MAD1L1: variants seen among roughly 807,000 people sequenced by gnomAD.
The protein encoded by MAD1L1 is mitotic spindle assembly checkpoint protein MAD1.
Under a neutral mutation model 96.9 loss-of-function variants are expected in MAD1L1, and 95 were observed. The ratio of observed to expected loss-of-function variants is 0.98; its 90% CI spans 0.83 to 1.16. The LOEUF is 1.16. Ranked by LOEUF, MAD1L1 falls within the 50% of genes most tolerant of loss-of-function variation. MAD1L1 has a pLI of 0.00. For synonymous variants in MAD1L1, 473 were observed against 396.6 expected, an observed-to-expected ratio of 1.19 and a Z score of -2.29; for missense variants, 1,007 against 954.4, an observed-to-expected ratio of 1.06 and a Z score of -0.73.
chr7:1,857,919 A>G (rs2128645264), intron 18 of MAD1L1, among the ~76,000 whole-genome samples: 1 of 152,224 alleles, frequency 6.6e-6, no homozygotes, highest in South Asian at 2.1e-4. Flanking sequence ...GCCCTGCAGA[A>G]CCTGCAGAGG....
chr7:2,087,547 A>T (rs1300375753), intron 11 of MAD1L1, among the ~76,000 whole-genome samples: 1 of 152,192 alleles, frequency 6.6e-6, no homozygotes, highest in Admixed American at 6.5e-5. Flanking sequence ...CTTGAAAATA[A>T]TATTATTAAT....
In MAD1L1 at chr7:2,205,065, T is replaced by C. The variant is rs949935012; in HGVS notation, c.986+8147A>G. On this transcript the variant is annotated intron_variant, in intron 10 of 18. Coordinates refer to ENST00000265854, the MANE Select transcript of MAD1L1 (RefSeq NM_001013836.2). The stretch of plus-strand genomic sequence containing the variant: ...TACATTACTGACTCCACCTTGCTTC[T>C]AACCTCACAGGATCTTTTCTTTTTT... Among the ~76,000 whole-genome samples, 7 of 148,326 alleles carry C rather than the reference T, an allele frequency of 4.7e-5. No individual in the cohort carries two copies. In the East Asian group the frequency reaches 8.0e-4, roughly 17 times the overall value.
chr7:2,148,233 G>A (rs1236633506), intron 11 of MAD1L1: 7 of 152,360 alleles, frequency 4.6e-5, no homozygotes, highest in Admixed American at 4.6e-4. Flanking sequence ...CTCCACAGGA[G>A]GACAAGGCTG....
intron 10 of MAD1L1, among the ~76,000 whole-genome samples, chr7:2,188,791 A>C (rs990223140): frequency 1.3e-5 from 2 of 152,218 alleles, no homozygotes; most frequent in African/African-American, 4.8e-5. Context: ...CTTGGATATG[A>C]CATCAAAGGC....
chr7:1,827,545 G>GTGTGGCAT (rs1782474446), intron 18 of MAD1L1, among the ~76,000 whole-genome samples: 4 of 76,546 alleles, frequency 5.2e-5, no homozygotes, highest in East Asian at 3.6e-4. Context: ...GGGTGTGGGG[G>GTGTGGCAT]CCTCCCCTCC....
At chr7:2,179,541 A>G (rs1303600668) in intron 10 of MAD1L1, among the ~76,000 whole-genome samples, 5 of 151,902 alleles carry the variant, frequency 3.3e-5, no homozygotes, top group African/African-American at 1.2e-4. Flanking sequence ...AAAAAAAAAA[A>G]AAAGAAAAAT....
At chr7:2,174,250 A>C (rs1790846261) in intron 10 of MAD1L1, among the ~76,000 whole-genome samples, 1 of 152,214 alleles carries the variant, frequency 6.6e-6, no homozygotes, top group African/African-American at 2.4e-5. Context: ...TCTAGACCAC[A>C]TTGCTTTACT....
At position 2,014,487 on chromosome 7, in the gene MAD1L1, C is replaced by T. The variant is rs1350540646; in HGVS notation, c.1359+15G>A. The T allele has an allele frequency of 6.4e-6, 10 of 1,556,328 alleles. No homozygotes were observed. Among genetic ancestry groups the T allele is most frequent in the Non-Finnish European group, 8.7e-6 (10 of 1,152,508 alleles). Reference sequence around the variant, plus strand: ...CCCACCTGGCGACGTGAGCCCCACGCCCGCGGCCCCTCACCTCCATCTCGG... The same window carrying T: ...CCCACCTGGCGACGTGAGCCCCACGTCCGCGGCCCCTCACCTCCATCTCGG... On this transcript the variant is annotated intron_variant, in intron 13 of 18. Transcript: ENST00000265854.
chr7:1,831,725 G>T (rs1216880699), intron 18 of MAD1L1, among the ~76,000 whole-genome samples: 1 of 152,204 alleles, frequency 6.6e-6, no homozygotes, highest in South Asian at 2.1e-4. Context: ...GACGGTAAAT[G>T]AGCTCTTGGG....
At chr7:2,074,782 C>T (rs1454849615) in intron 11 of MAD1L1, among the ~76,000 whole-genome samples, 1 of 152,202 alleles carries the variant, frequency 6.6e-6, no homozygotes, top group Non-Finnish European at 1.5e-5. Flanking sequence ...AGAAGACAGG[C>T]CATCAGCAAA....
At chr7:2,037,450 C>T (rs1199230440) in intron 12 of MAD1L1, among the ~76,000 whole-genome samples, 1 of 151,768 alleles carries the variant, frequency 6.6e-6, no homozygotes, top group African/African-American at 2.4e-5. Flanking sequence ...GCACCATGTT[C>T]CCAACAGCAT....
chr7:1,849,286 A>G (rs1783832195), intron 18 of MAD1L1: 2 of 152,256 alleles, frequency 1.3e-5, no homozygotes, highest in African/African-American at 4.8e-5. Context: ...TATTGGCAGC[A>G]CAAATCTCCA....
chr7:2,153,553 T>C (rs1458311831), intron 10 of MAD1L1, among the ~76,000 whole-genome samples: 1 of 152,178 alleles, frequency 6.6e-6, no homozygotes, highest in African/African-American at 2.4e-5. Context: ...CACAGACAGA[T>C]GCTGGTGAGG....
At chr7:2,011,438 C>T (rs1782297055) in intron 13 of MAD1L1, among the ~76,000 whole-genome samples, 1 of 152,212 alleles carries the variant, frequency 6.6e-6, no homozygotes, top group African/African-American at 2.4e-5. Context: ...CGAACTTGCG[C>T]CACATCCATG....
At position 2,087,414 on chromosome 7, in the gene MAD1L1, C is replaced by T. The variant is rs1029449082; in HGVS notation, c.1074-18076G>A. 3.9e-5 allele frequency among the ~76,000 whole-genome samples: 6 copies of T among 152,194 alleles called. No individual in the cohort carries two copies. In the East Asian group the frequency reaches 1.2e-3, roughly 29 times the overall value. On this transcript the variant is annotated intron_variant, in intron 11 of 18. Transcript: ENST00000265854. Reference sequence around the variant, plus strand: ...AATTAGCCAGGCCTGGTGGCGCGCGCCTGTAATCTCAGCTACTCATGAGGC... The same window carrying T: ...AATTAGCCAGGCCTGGTGGCGCGCGTCTGTAATCTCAGCTACTCATGAGGC...
chr7:2,174,445 T>C (rs1035654843), intron 10 of MAD1L1, among the ~76,000 whole-genome samples: 3 of 152,220 alleles, frequency 2.0e-5, no homozygotes, highest in Admixed American at 2.0e-4. Flanking sequence ...GACTGGGTAC[T>C]TGGTGGCTCC....
intron 12 of MAD1L1, among the ~76,000 whole-genome samples, chr7:2,061,720 G>A (rs981219630): frequency 3.9e-5 from 6 of 152,248 alleles, no homozygotes; most frequent in East Asian, 3.8e-4. Flanking sequence ...AAACGTCCAC[G>A]TCAGCAAGAG....
chr7:1,897,795 C>T (rs922151060), intron 18 of MAD1L1, among the ~76,000 whole-genome samples: 6 of 152,208 alleles, frequency 3.9e-5, no homozygotes, highest in Admixed American at 6.5e-5. Flanking sequence ...TGTCCCACTG[C>T]GCAGCCTGGC....
At chr7:1,942,765 GA>G (rs1779060620) in intron 16 of MAD1L1, among the ~76,000 whole-genome samples, 1 of 152,192 alleles carries the variant, frequency 6.6e-6, no homozygotes, top group African/African-American at 2.4e-5. Context: ...CGGCCTCCCT[GA>G]AGAACTGATA....
Sources: gnomAD v4.1 joint callset for allele counts (sites outside exome capture counted in the v4.1 genomes callset) on GRCh38, gnomAD v4.1.1 for gene constraint, MANE v1.5 for transcripts, NCBI Gene and HGNC (gene_info 2026-07-23, HGNC 2026-07-21) for gene names.